MAGI2: variants seen among roughly 807,000 people sequenced by gnomAD.
MAGI2 encodes membrane-associated guanylate kinase, WW and PDZ domain-containing protein 2.
Under a neutral mutation model 133.3 loss-of-function variants are expected in MAGI2, and 35 were observed. The observed-to-expected ratio is 0.26, with a 90% confidence interval of 0.20 to 0.35. MAGI2 has a LOEUF of 0.35. MAGI2 is among the 10% of genes least tolerant of loss of function. The pLI is 1.00. For synonymous variants in MAGI2, 729 were observed against 710.6 expected, an observed-to-expected ratio of 1.03 and a Z score of -0.41; for missense variants, 1,636 against 1,863.4, an observed-to-expected ratio of 0.88 and a Z score of 2.25.
intron 1 of MAGI2, among the ~76,000 whole-genome samples, chr7:79,086,009 A>T (rs1014019432): frequency 2.0e-5 from 3 of 151,922 alleles, no homozygotes; most frequent in Non-Finnish European, 4.4e-5. Flanking sequence ...CTTCATATGC[A>T]TGTGGCTTCC....
intron 3 of MAGI2, among the ~76,000 whole-genome samples, chr7:78,542,415 G>A (rs747676246): frequency 2.6e-5 from 4 of 151,828 alleles, no homozygotes; most frequent in Non-Finnish European, 4.4e-5. Context: ...TTGTCTTCAG[G>A]GAGCTTAAGA....
intron 16 of MAGI2, among the ~76,000 whole-genome samples, chr7:78,138,297 T>G (rs191853001): frequency 6.6e-6 from 1 of 152,294 alleles, no homozygotes; most frequent in East Asian, 1.9e-4. Context: ...GAACTTTGTC[T>G]GAAGCAGGTT....
chr7:78,331,464 C>T (rs1321067266), intron 9 of MAGI2, among the ~76,000 whole-genome samples: 1 of 151,902 alleles, frequency 6.6e-6, no homozygotes, highest in Non-Finnish European at 1.5e-5. Flanking sequence ...ATTGATAAAG[C>T]AAGGCAATTG....
chr7:78,366,131 G>T (rs1455273777), intron 7 of MAGI2, among the ~76,000 whole-genome samples: 1 of 152,104 alleles, frequency 6.6e-6, no homozygotes, highest in African/African-American at 2.4e-5. Flanking sequence ...GCTGTACAGA[G>T]AATCCACTGC....
At chr7:78,786,702 C>T (rs753358380) in intron 2 of MAGI2, among the ~76,000 whole-genome samples, 1 of 152,214 alleles carries the variant, frequency 6.6e-6, no homozygotes, top group African/African-American at 2.4e-5. Flanking sequence ...GACACACATA[C>T]ACTTTCTAGT....
At chr7:78,259,931 A>T (rs1405869714) in intron 9 of MAGI2, among the ~76,000 whole-genome samples, 1 of 152,190 alleles carries the variant, frequency 6.6e-6, no homozygotes, top group Non-Finnish European at 1.5e-5. Context: ...TGTGTTTCTT[A>T]GTAAGACTGC....
At chr7:78,367,456 GC>G (rs1348516855) in intron 7 of MAGI2, among the ~76,000 whole-genome samples, 3 of 152,216 alleles carry the variant, frequency 2.0e-5, no homozygotes, top group Non-Finnish European at 4.4e-5. Context: ...GATTTGACCA[GC>G]TGCCTGTTTT....
intron 6 of MAGI2, among the ~76,000 whole-genome samples, chr7:78,445,150 A>C (rs7791794): frequency 0.86 from 130,343 of 151,802 alleles, 56,225 homozygotes; most frequent in Middle Eastern, 0.94. Flanking sequence ...GCTCTAGCTT[A>C]CACTTTAGTC....
At chr7:78,702,934 T>TA (rs1554534273) in intron 2 of MAGI2, among the ~76,000 whole-genome samples, 3 of 151,708 alleles carry the variant, frequency 2.0e-5, no homozygotes, top group Admixed American at 6.6e-5. Flanking sequence ...AAGTGACTGT[T>TA]GAGTCATGGG....
intron 2 of MAGI2, among the ~76,000 whole-genome samples, chr7:78,847,059 A>G (rs1269251211): frequency 6.6e-6 from 1 of 151,968 alleles, no homozygotes; most frequent in Non-Finnish European, 1.5e-5. Flanking sequence ...CTTATAGACA[A>G]AAGATAATAG....
At chr7:78,449,855 T>C (rs551154781) in intron 6 of MAGI2, among the ~76,000 whole-genome samples, 1 of 152,224 alleles carries the variant, frequency 6.6e-6, no homozygotes, top group African/African-American at 2.4e-5. Context: ...TAAAAGTAAC[T>C]TTCTCACTGT....
chr7:79,084,962 T>C (rs1816360886), intron 1 of MAGI2, among the ~76,000 whole-genome samples: 1 of 151,844 alleles, frequency 6.6e-6, no homozygotes, highest in Non-Finnish European at 1.5e-5. Context: ...CTCACATTGT[T>C]TGTATGTGAT....
At chr7:78,576,868 G>A (rs1426955160) in intron 3 of MAGI2, among the ~76,000 whole-genome samples, 1 of 152,140 alleles carries the variant, frequency 6.6e-6, no homozygotes, top group Non-Finnish European at 1.5e-5. Context: ...GGAGTCTGAG[G>A]CAGGCGTATT....
intron 2 of MAGI2, among the ~76,000 whole-genome samples, chr7:79,004,953 A>G (rs1807289432): frequency 6.6e-6 from 1 of 151,932 alleles, no homozygotes; most frequent in Non-Finnish European, 1.5e-5. Flanking sequence ...ATGGTGGCAC[A>G]TGCCTGTAAT....
At chr7:79,426,419 A>C (rs1847375314) in intron 1 of MAGI2, among the ~76,000 whole-genome samples, 1 of 152,168 alleles carries the variant, frequency 6.6e-6, no homozygotes, top group South Asian at 2.1e-4. Flanking sequence ...TTGTCATTGT[A>C]ATATATTACA....
intron 1 of MAGI2, among the ~76,000 whole-genome samples, chr7:79,019,415 G>A (rs1809060708): frequency 6.6e-6 from 1 of 152,118 alleles, no homozygotes; most frequent in South Asian, 2.1e-4. Flanking sequence ...CTGCCACCCT[G>A]TGAAGAGGTG....
intron 11 of MAGI2, among the ~76,000 whole-genome samples, chr7:78,195,990 G>T (rs1350153912): frequency 1.3e-5 from 2 of 152,142 alleles, no homozygotes; most frequent in African/African-American, 4.8e-5. Flanking sequence ...GAGTATGCAT[G>T]GTCCTCAGGA....
intron 2 of MAGI2, among the ~76,000 whole-genome samples, chr7:78,724,033 C>T: frequency 6.6e-6 from 1 of 152,098 alleles, no homozygotes; most frequent in East Asian, 1.9e-4. Flanking sequence ...CTGCTTGCTG[C>T]ACAGAAAGTC....
At chr7:79,077,152 T>G (rs1815536074) in intron 1 of MAGI2, among the ~76,000 whole-genome samples, 1 of 152,192 alleles carries the variant, frequency 6.6e-6, no homozygotes, top group Admixed American at 6.5e-5. Flanking sequence ...TTAAAACATT[T>G]ACTGAAGGTG....
Sources: allele counts gnomAD v4.1 joint callset (sites outside exome capture counted in the v4.1 genomes callset), GRCh38; gene constraint gnomAD v4.1.1; transcripts MANE v1.5; gene names NCBI Gene and HGNC (gene_info 2026-07-23, HGNC 2026-07-21).